The following ASIC2 variants were observed in gnomAD, a reference collection of about 807,000 sequenced individuals.
ASIC2 encodes acid sensing ion channel subunit 2.
In ASIC2, 25 loss-of-function variants were observed where a neutral mutation model predicts 57.3. That is an observed-to-expected ratio of 0.44 (90% confidence interval 0.32 to 0.61). The LOEUF is 0.61. ASIC2 is among the 20% of genes least tolerant of loss of function. The pLI, the probability that ASIC2 is intolerant of heterozygous loss-of-function variation, is 0.06. For synonymous variants in ASIC2, 319 were observed against 307.5 expected, an observed-to-expected ratio of 1.04 and a Z score of -0.39; for missense variants, 641 against 738.1, an observed-to-expected ratio of 0.87 and a Z score of 1.52.
chr17:33,085,363 A>C (rs1351117177), intron 3 of ASIC2, among the ~76,000 whole-genome samples: 2 of 152,216 alleles, frequency 1.3e-5, no homozygotes, highest in African/African-American at 4.8e-5. Context: ...TGATTGTAAA[A>C]CGAATCCTTA....
chr17:33,939,649 G>GGTGTGAC (rs1916141967), intron 1 of ASIC2, among the ~76,000 whole-genome samples: 1 of 152,216 alleles, frequency 6.6e-6, no homozygotes, highest in South Asian at 2.1e-4. Context: ...CCACAGAGCT[G>GGTGTGAC]GTGTGACCCA....
chr17:33,018,182 C>G (rs999520326), intron 7 of ASIC2, among the ~76,000 whole-genome samples: 1 of 152,202 alleles, frequency 6.6e-6, no homozygotes, highest in Non-Finnish European at 1.5e-5. Context: ...TCTCCCCCAT[C>G]CAAAAGTTAG....
chr17:33,061,782 A>T (rs1319169101), intron 3 of ASIC2, among the ~76,000 whole-genome samples: 3 of 152,140 alleles, frequency 2.0e-5, no homozygotes, highest in Non-Finnish European at 4.4e-5. Flanking sequence ...CTGTGAATCC[A>T]TCTGGTCTTG....
chr17:33,572,228 C>G (rs1381466957), intron 1 of ASIC2: 1 of 152,136 alleles, frequency 6.6e-6, no homozygotes, highest in African/African-American at 2.4e-5. Flanking sequence ...CCTATTGGCT[C>G]AGTGCCCAGA....
intron 1 of ASIC2, among the ~76,000 whole-genome samples, chr17:33,755,376 T>C (rs1910570801): frequency 6.6e-6 from 1 of 152,252 alleles, no homozygotes; most frequent in South Asian, 2.1e-4. Context: ...TGTGTTGTGT[T>C]AAAGCCTCTC....
chr17:33,852,782 A>C (rs1251947621), intron 1 of ASIC2, among the ~76,000 whole-genome samples: 5 of 152,110 alleles, frequency 3.3e-5, no homozygotes, highest in African/African-American at 1.2e-4. Flanking sequence ...TCACATTACA[A>C]ATTGTCTTTC....
intron 1 of ASIC2, among the ~76,000 whole-genome samples, chr17:33,165,550 G>T (rs922550177): frequency 1.3e-5 from 2 of 151,892 alleles, no homozygotes; most frequent in African/African-American, 4.8e-5. Flanking sequence ...TTGAGAGGGG[G>T]TTTGTTAAGG....
chr17:33,227,679 A>T (rs755152482), intron 1 of ASIC2, among the ~76,000 whole-genome samples: 2 of 152,208 alleles, frequency 1.3e-5, no homozygotes, highest in Non-Finnish European at 2.9e-5. Context: ...GCATTGTTCT[A>T]AGAGCTTTGC....
chr17:34,075,823 C>CTTTT (rs57703083), intron 1 of ASIC2, among the ~76,000 whole-genome samples: 1 of 77,548 alleles, frequency 1.3e-5, no homozygotes, highest in Non-Finnish European at 2.3e-5. Flanking sequence ...TTTCTTTTTC[C>CTTTT]TTTTTTTTTT....
At chr17:33,539,776 C>A (rs906264288) in intron 1 of ASIC2, among the ~76,000 whole-genome samples, 39 of 152,094 alleles carry the variant, frequency 2.6e-4, no homozygotes, top group African/African-American at 9.2e-4. Flanking sequence ...AGCTCACAGT[C>A]CAGATGGGAG....
Position 33,877,832 on chromosome 17 carries a change from G to C in ASIC2, c.555+278146C>G, listed in dbSNP as rs112410697. ...CTCCTCAAGTGGGTTCCTGACCCCC[G>C]AGTAGCCTAACTGGGAGGCACCCCC... On this transcript the variant is annotated intron_variant, in intron 1 of 9. Transcript: ENST00000359872. Among the ~76,000 whole-genome samples, 1,208 of 152,310 alleles carry C rather than the reference G, an allele frequency of 7.9e-3. 16 individuals are homozygous for C. The highest frequency in any genetic ancestry group is 0.026 in the African/African-American group (1,068 of 41,556).
chr17:33,732,541 A>G (rs1024918981), intron 1 of ASIC2, among the ~76,000 whole-genome samples: 3 of 143,424 alleles, frequency 2.1e-5, no homozygotes, highest in Non-Finnish European at 3.0e-5. Flanking sequence ...ATCTTGCTCT[A>G]TCGCTGGATT....
At chr17:34,016,941 G>A (rs1259884669) in intron 1 of ASIC2, among the ~76,000 whole-genome samples, 2 of 152,198 alleles carry the variant, frequency 1.3e-5, no homozygotes, top group Non-Finnish European at 2.9e-5. Flanking sequence ...AACCTGAAAT[G>A]TGCCTCATTA....
chr17:33,367,434 T>C (rs1035933205), intron 1 of ASIC2, among the ~76,000 whole-genome samples: 1 of 152,210 alleles, frequency 6.6e-6, no homozygotes, highest in African/African-American at 2.4e-5. Context: ...TGCTTCTCTC[T>C]GTAAAAGAAT....
At chr17:33,250,070 T>A (rs1184748771) in intron 1 of ASIC2, among the ~76,000 whole-genome samples, 2 of 152,184 alleles carry the variant, frequency 1.3e-5, no homozygotes, top group Non-Finnish European at 2.9e-5. Flanking sequence ...GACAGTTCTA[T>A]CTGTGTCGAT....
intron 1 of ASIC2, among the ~76,000 whole-genome samples, chr17:33,350,509 G>A (rs909720374): frequency 2.0e-5 from 3 of 151,890 alleles, no homozygotes; most frequent in Non-Finnish European, 4.4e-5. Context: ...ACGAAACCCC[G>A]TCTCTACTAA....
chr17:33,863,842 T>C (rs150657001), intron 1 of ASIC2, among the ~76,000 whole-genome samples: 36 of 152,218 alleles, frequency 2.4e-4, no homozygotes, highest in African/African-American at 8.2e-4. Flanking sequence ...AATCTAGCTA[T>C]AAGTTAATCA....
chr17:33,747,768 G>T (rs1292344593), intron 1 of ASIC2, among the ~76,000 whole-genome samples: 1 of 152,124 alleles, frequency 6.6e-6, no homozygotes, highest in Non-Finnish European at 1.5e-5. Context: ...GCAAAGCCTG[G>T]ACTAAACCTC....
In ASIC2 at chr17:33,039,795, C is replaced by T. The variant is rs549629802; in HGVS notation, c.988-11403G>A. On this transcript the variant is annotated intron_variant, in intron 3 of 9. Transcript: ENST00000225823. The stretch of plus-strand genomic sequence containing the variant: ...CCTTCCACTGGAAGAGAGGATTCTA[C>T]TCCTCCTTCACCTGCCTGATCCTGC... Among the ~76,000 whole-genome samples the T allele has an allele frequency of 7.9e-5, 12 of 152,276 alleles. No individual in the cohort carries two copies. The South Asian group carries it at 2.1e-3, about 26-fold the overall frequency.
Sources: allele counts gnomAD v4.1 joint callset (sites outside exome capture counted in the v4.1 genomes callset), GRCh38; gene constraint gnomAD v4.1.1; transcripts MANE v1.5; gene names NCBI Gene and HGNC (gene_info 2026-07-23, HGNC 2026-07-21).